KLHL2: variants seen among roughly 807,000 people sequenced by gnomAD.
KLHL2 encodes kelch-like protein 2.
KLHL2 carries 15 observed loss-of-function variants against 75.8 expected under a neutral mutation model. The observed-to-expected ratio is 0.20, with a 90% CI of 0.13 to 0.30. The LOEUF (loss-of-function observed/expected upper bound fraction) is 0.30, where lower values mean the gene tolerates loss of function less well. Among genes scored for constraint, KLHL2 ranks in the 10% least tolerant of loss-of-function variants. The probability of loss-of-function intolerance (pLI) is 1.00; values close to 1 mark genes in which losing one functional copy is unlikely to be tolerated. For synonymous variants in KLHL2, 214 were observed against 251.9 expected (o/e 0.85, Z 1.42); for missense variants, 381 against 741.0 (o/e 0.51, Z 5.64).
At chr4:165,250,095 G>T (rs2111161268) in intron 4 of KLHL2, among the ~76,000 whole-genome samples, 1 of 151,466 alleles carries the variant, frequency 6.6e-6, no homozygotes, top group East Asian at 1.9e-4. Context: ...CTGCACTCCA[G>T]CCTGGGCAAC....
chr4:165,281,439 C>T (rs918687061), intron 5 of KLHL2, among the ~76,000 whole-genome samples: 3 of 151,930 alleles, frequency 2.0e-5, no homozygotes, highest in Non-Finnish European at 4.4e-5. Context: ...CCTCAGCCTC[C>T]CTAGTAGCTG....
chr4:165,213,969 C>G (rs1159968537), intron 1 of KLHL2, among the ~76,000 whole-genome samples: 2 of 152,172 alleles, frequency 1.3e-5, no homozygotes, highest in Non-Finnish European at 2.9e-5. Flanking sequence ...CTATCTTTGA[C>G]TTTCATATTA....
At position 165,306,333 on chromosome 4, in the gene KLHL2, T is replaced by A. The variant is rs1745727168; in HGVS notation, c.1039+608T>A. Among the ~76,000 whole-genome samples the A allele has an allele frequency of 2.0e-5, 3 of 152,232 alleles. No individual in the cohort carries two copies. The South Asian group carries it at 6.2e-4, about 31-fold the overall frequency. On this transcript the variant is annotated intron_variant, in intron 9 of 14. Transcript: ENST00000226725. The stretch of plus-strand genomic sequence containing the variant: ...TTGTTACATATCAGCATATCTGGAG[T>A]TACCTCATTCAATAAGAGCTGTCTA...
At chr4:165,279,603 C>T in intron 5 of KLHL2, 1 of 1,610,406 alleles carries the variant, frequency 6.2e-7, no homozygotes, top group South Asian at 1.1e-5. Flanking sequence ...TGGTCCACTG[C>T]CCCCACCAAT....
rs1433588836 is a variant in KLHL2 at position 165,219,920 on chromosome 4, T to C, written c.27-14T>C. On this transcript the variant is annotated splice_polypyrimidine_tract_variant and intron_variant, in intron 1 of 14. Transcript: ENST00000226725. Reference sequence around the variant, plus strand: ...AGATCTTTTTCTGTTTTTGTTCTTTTCTTTTATGTACAGATGCACAAAGCA... The same window carrying C: ...AGATCTTTTTCTGTTTTTGTTCTTTCCTTTTATGTACAGATGCACAAAGCA... 1 of 1,588,972 alleles carries C rather than the reference T, an allele frequency of 6.3e-7. No homozygotes were observed. The highest frequency in any genetic ancestry group is 1.4e-5 in the African/African-American group (1 of 73,010).
chr4:165,293,738 G>T (rs904557263), intron 5 of KLHL2, among the ~76,000 whole-genome samples: 1 of 145,694 alleles, frequency 6.9e-6, no homozygotes, highest in African/African-American at 2.6e-5. Flanking sequence ...GGATGGTCTC[G>T]ATCTCCTGAC....
intron 4 of KLHL2, among the ~76,000 whole-genome samples, chr4:165,242,065 A>G (rs1479766349): frequency 1.3e-5 from 2 of 151,934 alleles, no homozygotes; most frequent in Non-Finnish European, 2.9e-5. Context: ...GGTTTTATTT[A>G]TGGCAGAATT....
rs185676731 is a variant in KLHL2, at chr4:165,212,446, G to C, written c.26+4544G>C. On this transcript the variant is annotated intron_variant, in intron 1 of 14. Transcript: ENST00000226725. Reference sequence around the variant, plus strand: ...GATAATTGCTGCAGTGAGTGGGTCCGTAACTTTTTGTGTGTTACGCACTGT... The same window carrying C: ...GATAATTGCTGCAGTGAGTGGGTCCCTAACTTTTTGTGTGTTACGCACTGT... 2.5e-3 allele frequency among the ~76,000 whole-genome samples: 387 copies of C among 152,248 alleles called. 2 individuals carry two copies. Among genetic ancestry groups the C allele is most frequent in the African/African-American group, 9.1e-3 (377 of 41,538 alleles).
intron 4 of KLHL2, among the ~76,000 whole-genome samples, chr4:165,243,407 C>T (rs1739981571): frequency 6.6e-6 from 1 of 152,212 alleles, no homozygotes; most frequent in Non-Finnish European, 1.5e-5. Context: ...TATGAGTACT[C>T]ATCTACAGAT....
chr4:165,278,472 T>G, intron 5 of KLHL2: 1 of 1,576,860 alleles, frequency 6.3e-7, no homozygotes, highest in Admixed American at 1.7e-5. Context: ...GCAAAAGCAA[T>G]ATGGCATTTA....
intron 1 of KLHL2, among the ~76,000 whole-genome samples, chr4:165,208,719 T>C (rs1485475967): frequency 6.6e-6 from 1 of 152,044 alleles, no homozygotes; most frequent in African/African-American, 2.4e-5. Flanking sequence ...TACCCAGGAG[T>C]TTCGAAAATT....
chr4:165,313,230 A>T lies in KLHL2; in HGVS notation c.1340-8A>T. ...TAAATTTGGCTTTCTATGTGATTTT[A>T]TGTGTAGGTTTGCTCTATGCTGTAG... On this transcript the variant is annotated splice_polypyrimidine_tract_variant and splice_region_variant and intron_variant, in intron 11 of 14. Transcript: ENST00000226725. The T allele has an allele frequency of 1.2e-6, 2 of 1,606,248 alleles. No homozygotes were observed. The highest frequency in any genetic ancestry group is 2.2e-5 in the East Asian group (1 of 44,462).
intron 4 of KLHL2, among the ~76,000 whole-genome samples, chr4:165,261,984 TG>T (rs1049204092): frequency 4.6e-5 from 7 of 152,214 alleles, no homozygotes; most frequent in Non-Finnish European, 8.8e-5. Flanking sequence ...GGTTTTTTTG[TG>T]GGGTTTCTTT....
intron 3 of KLHL2, among the ~76,000 whole-genome samples, chr4:165,232,870 C>G (rs987224572): frequency 2.2e-5 from 3 of 135,572 alleles, no homozygotes; most frequent in African/African-American, 8.3e-5. Context: ...GTCTGAAACC[C>G]TGTTAAGCTT....
chr4:165,317,384 A>G (rs999148084), intron 13 of KLHL2, among the ~76,000 whole-genome samples: 12 of 147,762 alleles, frequency 8.1e-5, no homozygotes, highest in Non-Finnish European at 1.8e-4. Context: ...TTTTTTGGAG[A>G]CAGAGTCTCA....
chr4:165,221,674 G>A (rs1738007927), intron 2 of KLHL2, among the ~76,000 whole-genome samples: 1 of 152,218 alleles, frequency 6.6e-6, no homozygotes, highest in Non-Finnish European at 1.5e-5. Flanking sequence ...CACACTGGCT[G>A]CTGGGTGGAG....
intron 1 of KLHL2, among the ~76,000 whole-genome samples, chr4:165,216,808 ACT>A (rs1737570937): frequency 6.6e-6 from 1 of 151,716 alleles, no homozygotes; most frequent in South Asian, 2.1e-4. Flanking sequence ...TTTGTAAGTG[ACT>A]CTCGGTACAG....
chr4:165,228,899 A>G lies in KLHL2; in HGVS notation c.245A>G (p.His82Arg), dbSNP rs766904702. The G allele has an allele frequency of 1.9e-6, 3 of 1,604,052 alleles. No individual in the cohort carries two copies. The highest frequency in any genetic ancestry group is 4.5e-5 in the East Asian group (2 of 44,826). Residue 82 changes from histidine to arginine, a missense_variant, in exon 3 of 15, where the codon CAT becomes CGT. Transcript: ENST00000226725. ...CTGGCCGCCTGTAGTCCTTATTTTC[A>G]TGCCATGTTTACAGGTATGAAATAT... is the stretch of plus-strand genomic sequence containing the variant. ...VVLAACSPYF[H>R]AMFTGEMSES...
intron 5 of KLHL2, among the ~76,000 whole-genome samples, chr4:165,293,319 C>G (rs1326588923): frequency 6.6e-6 from 1 of 152,030 alleles, no homozygotes; most frequent in African/African-American, 2.4e-5. Flanking sequence ...TCTTTTTTCC[C>G]CTTGGGAAGA....
Sources: allele counts gnomAD v4.1 joint callset (sites outside exome capture counted in the v4.1 genomes callset), GRCh38; gene constraint gnomAD v4.1.1; transcripts MANE v1.5; gene names NCBI Gene and HGNC (gene_info 2026-07-23, HGNC 2026-07-21).